TENM3: variants seen among roughly 807,000 people sequenced by gnomAD.
TENM3 encodes the protein teneurin transmembrane protein 3, also known as teneurin-3.
In TENM3, 63 loss-of-function variants were observed where a neutral mutation model predicts 255.1. The observed-to-expected ratio is 0.25, with a 90% CI of 0.20 to 0.30. The LOEUF is 0.30. Ranked by LOEUF, TENM3 falls within the 10% of genes least tolerant of loss-of-function variation. The probability of loss-of-function intolerance (pLI) is 1.00; values close to 1 mark genes in which losing one functional copy is unlikely to be tolerated. For synonymous variants in TENM3, 1,306 were observed against 1,322.3 expected, an observed-to-expected ratio of 0.99 and a Z score of 0.27; for missense variants, 2,929 against 3,461.1, an observed-to-expected ratio of 0.85 and a Z score of 3.86.
chr4:182,397,398 T>TAAAAAAAAAAA (rs144177808), intron 3 of TENM3, among the ~76,000 whole-genome samples: 2 of 48,978 alleles, frequency 4.1e-5, no homozygotes, highest in Non-Finnish European at 7.7e-5. Context: ...AGACTCCATC[T>TAAAAAAAAAAA]AAAAAAAAAA....
At chr4:182,068,048 C>T in the TENM3 span, among the ~76,000 whole-genome samples, 96,581 of 151,960 alleles carry the variant, frequency 0.64, 31,910 homozygotes, top group East Asian at 0.87. Context: ...TTCCTTAAAA[C>T]TGGCAGTGAT....
At chr4:181,800,224 C>T in the TENM3 span, among the ~76,000 whole-genome samples, 9 of 152,170 alleles carry the variant, frequency 5.9e-5, no homozygotes, top group East Asian at 1.9e-4. Context: ...GTGTATTCTA[C>T]GTAGACTGAA....
the TENM3 span, among the ~76,000 whole-genome samples, chr4:181,514,942 T>TATATGTC: frequency 3.3e-5 from 5 of 152,202 alleles, no homozygotes; most frequent in African/African-American, 1.2e-4. Flanking sequence ...ATCCCTATTT[T>TATATGTC]ATATGTCAGG....
intron 1 of TENM3, among the ~76,000 whole-genome samples, chr4:182,161,487 T>C (rs1198425760): frequency 6.9e-6 from 1 of 144,036 alleles, no homozygotes; most frequent in East Asian, 2.1e-4. Flanking sequence ...CTCGGGATGC[T>C]GAGGCACAAG....
At chr4:182,252,712 C>G (rs1227517567) in intron 1 of TENM3, among the ~76,000 whole-genome samples, 2 of 152,114 alleles carry the variant, frequency 1.3e-5, no homozygotes. Flanking sequence ...AGTACTTTAG[C>G]TGAGAAATTT....
In TENM3 at chr4:182,751,947, G is replaced by A. The variant is rs767980114; in HGVS notation, c.3777G>A (p.Gly1259=). The part of the protein sequence containing the change: ...DLTKNAEVVA[G]TGEQCLPFDE... The stretch of plus-strand genomic sequence containing the variant: ...CTAAAAATGCAGAAGTCGTCGCAGG[G>A]ACAGGGGAGCAATGCCTTCCGTTTG... Residue 1259 remains glycine (G), a synonymous_variant, in exon 20 of 28, where the codon GGG becomes GGA. Transcript: ENST00000511685. 13 of 1,613,732 alleles carry A rather than the reference G, an allele frequency of 8.1e-6. No homozygotes were observed. In the South Asian group the frequency reaches 1.3e-4, roughly 16 times the overall value.
At chr4:181,623,704 C>T in the TENM3 span, among the ~76,000 whole-genome samples, 10,023 of 152,232 alleles carry the variant, frequency 0.066, 442 homozygotes, top group East Asian at 0.14. Flanking sequence ...GCTTCGTAAA[C>T]AATCAGTTGT....
At chr4:181,992,165 G>A in the TENM3 span, among the ~76,000 whole-genome samples, 9 of 152,108 alleles carry the variant, frequency 5.9e-5, no homozygotes, top group South Asian at 2.1e-4. Context: ...CTTTTTGAAC[G>A]GAAATAACAG....
chr4:182,002,348 C>T, the TENM3 span, among the ~76,000 whole-genome samples: 3 of 152,056 alleles, frequency 2.0e-5, no homozygotes, highest in Non-Finnish European at 4.4e-5. Context: ...GAGCTTCTCC[C>T]TTTAGGTGAT....
At chr4:182,508,301 A>C (rs896353846) in intron 3 of TENM3, among the ~76,000 whole-genome samples, 1 of 152,086 alleles carries the variant, frequency 6.6e-6, no homozygotes, top group Non-Finnish European at 1.5e-5. Flanking sequence ...AGGTCTGTGA[A>C]CCTTGGTTTC....
At chr4:182,107,486 A>G in the TENM3 span, among the ~76,000 whole-genome samples, 2 of 152,108 alleles carry the variant, frequency 1.3e-5, no homozygotes, top group Admixed American at 1.3e-4. Context: ...TTCCTGGCAC[A>G]TTCGACAGTT....
the TENM3 span, among the ~76,000 whole-genome samples, chr4:181,704,215 T>A: frequency 2.2e-4 from 34 of 152,148 alleles, no homozygotes; most frequent in Non-Finnish European, 8.8e-5. Context: ...ACCCTCCCAG[T>A]CACTCCTCCT....
At chr4:182,641,526 T>TG (rs1217913888) in intron 5 of TENM3, among the ~76,000 whole-genome samples, 1 of 150,776 alleles carries the variant, frequency 6.6e-6, no homozygotes, top group Non-Finnish European at 1.5e-5. Context: ...GCAGTTTTTT[T>TG]TTGTTGTTTT....
intron 3 of TENM3, among the ~76,000 whole-genome samples, chr4:182,590,512 C>T (rs1290444309): frequency 7.4e-6 from 1 of 134,568 alleles, no homozygotes; most frequent in African/African-American, 2.7e-5. Flanking sequence ...GTGGCACATG[C>T]CCAGCAATAG....
chr4:182,220,689 T>C (rs1230824251), intron 1 of TENM3, among the ~76,000 whole-genome samples: 2 of 152,216 alleles, frequency 1.3e-5, no homozygotes, highest in Non-Finnish European at 2.9e-5. Context: ...AGGTAAAAAT[T>C]GTAGTCTTAT....
the TENM3 span, among the ~76,000 whole-genome samples, chr4:181,832,492 C>T: frequency 3.5e-4 from 54 of 152,258 alleles, no homozygotes; most frequent in Non-Finnish European, 6.6e-4. Flanking sequence ...TAACTGGATC[C>T]ATTTTTCTGC....
intron 3 of TENM3, among the ~76,000 whole-genome samples, chr4:182,472,659 A>G (rs1452148835): frequency 6.6e-6 from 1 of 152,224 alleles, no homozygotes; most frequent in African/African-American, 2.4e-5. Flanking sequence ...ACAAGTAAAA[A>G]TAATTGCAAA....
intron 1 of TENM3, among the ~76,000 whole-genome samples, chr4:182,262,598 G>T (rs565085652): frequency 2.8e-4 from 43 of 152,126 alleles, no homozygotes; most frequent in Non-Finnish European, 5.6e-4. Flanking sequence ...AAAAGGGGAG[G>T]CATGAATAAT....
the TENM3 span, among the ~76,000 whole-genome samples, chr4:181,766,645 A>G: frequency 6.6e-6 from 1 of 152,002 alleles, no homozygotes; most frequent in African/African-American, 2.4e-5. Flanking sequence ...GAAGTCAAAG[A>G]AAAAGGATTC....
Sources: gnomAD v4.1 joint callset for allele counts (sites outside exome capture counted in the v4.1 genomes callset) on GRCh38, gnomAD v4.1.1 for gene constraint, MANE v1.5 for transcripts, NCBI Gene and HGNC (gene_info 2026-07-23, HGNC 2026-07-21) for gene names.